ZFP69: variants seen among roughly 807,000 people sequenced by gnomAD.
ZFP69 encodes the protein zinc finger protein 69 homolog.
ZFP69 carries 35 observed loss-of-function variants against 48.9 expected under a neutral mutation model. The ratio of observed to expected loss-of-function variants is 0.72; its 90% CI spans 0.55 to 0.95. The LOEUF is 0.95. ZFP69 is among the 40% of genes least tolerant of loss of function. ZFP69 has a pLI of 0.00. For missense variants in ZFP69, 557 were observed against 638.4 expected (o/e 0.87, Z 1.37); for synonymous variants, 193 against 216.8 (o/e 0.89, Z 0.96).
intron 2 of ZFP69, 97 bp downstream of exon 2, chr1:40,479,585 A>ACCAC: frequency 7.2e-7 from 1 of 1,394,914 alleles, no homozygotes; most frequent in Non-Finnish European, 9.5e-7. Flanking sequence ...GAGGGAGAGA[A>ACCAC]GGTCTCTGGG....
At position 40,481,850 on chromosome 1, in the gene ZFP69, C is replaced by A; in HGVS notation, c.215C>A (p.Ser72Tyr). The A allele has an allele frequency of 6.2e-7, 1 of 1,610,100 alleles. No homozygotes were observed. Among genetic ancestry groups the A allele is most frequent in the Non-Finnish European group, 8.5e-7 (1 of 1,176,952 alleles). ...ACCCCTGGACTCCCGACAGCAGAAT[C>A]CCAGGTGAGTAGGGATTCATCTCAT... ...EVTPGLPTAESQELLTFKDIS... is the reference protein window; with the variant it reads ...EVTPGLPTAEYQELLTFKDIS... Residue 72 changes from serine to tyrosine, a missense_variant, in exon 3 of 6, where the codon TCC (serine) becomes TAC (tyrosine). By Grantham distance (144) the Ser-to-Tyr change is moderately radical. Coordinates refer to ENST00000372706, the MANE Select transcript of ZFP69 (RefSeq NM_001320179.2).
chr1:40,479,621 G>A, intron 2 of ZFP69, 133 bp downstream of exon 2: 1 of 1,277,604 alleles, frequency 7.8e-7, no homozygotes, highest in Non-Finnish European at 1.0e-6. Context: ...TTTTTGGGAA[G>A]GGGACAGCTG....
intron 2 of ZFP69, among the ~76,000 whole-genome samples, chr1:40,480,936 T>C (rs1645437469): frequency 6.6e-6 from 1 of 152,212 alleles, no homozygotes; most frequent in African/African-American, 2.4e-5. Context: ...AAGGGTTTCA[T>C]CGAAGTTTGT....
intron 3 of ZFP69, among the ~76,000 whole-genome samples, chr1:40,487,736 T>C (rs532246859): frequency 6.6e-6 from 1 of 152,214 alleles, no homozygotes; most frequent in African/African-American, 2.4e-5. Context: ...TCCGGTAAAT[T>C]GCATATCACA....
intron 5 of ZFP69, among the ~76,000 whole-genome samples, chr1:40,494,699 A>ATT (rs1335276773): frequency 7.0e-6 from 1 of 142,736 alleles, no homozygotes; most frequent in East Asian, 2.0e-4. Context: ...TAAAATATAC[A>ATT]TTATATATAT....
chr1:40,477,540 G>C lies in ZFP69; in HGVS notation c.-681G>C, dbSNP rs1169121614. On this transcript the variant is annotated 5_prime_UTR_variant, in exon 1 of 6. Transcript: ENST00000372706. This position sits in a 1 kb window ranked among gnomAD's most constrained non-coding sequence, Gnocchi z 4.0. ...GTATCCTCCCCGGGGTCTGCAAGAC[G>C]CCGGCTCAGGGCATCCCTCCCATTC... The C allele has an allele frequency of 6.6e-6, 1 of 152,174 alleles. No homozygotes were observed. Among genetic ancestry groups the C allele is most frequent in the Non-Finnish European group, 1.5e-5 (1 of 68,026 alleles). The allele number at this position is 152,174 out of a possible 1,614,324, so 9.4% of individuals were successfully genotyped here. A position where few individuals can be genotyped will look rare whatever the true frequency, so the allele number is the denominator to read the frequency against.
chr1:40,495,788 G>A lies in ZFP69; in HGVS notation c.1310G>A (p.Arg437Lys), dbSNP rs757834688. The A allele has an allele frequency of 5.0e-6, 8 of 1,614,154 alleles. No homozygotes were observed. In the South Asian group the frequency reaches 8.8e-5, roughly 18 times the overall value. The change falls in exon 6 of 6, where the codon AGA becomes AAA. Residue 437 changes from arginine (R) to lysine (K), a missense_variant. Transcript: ENST00000372706. ...THHQRIHTGERPYKCKECGKA... is the reference protein window; with the variant it reads ...THHQRIHTGEKPYKCKECGKA... ...CACCAGAGAATCCATACTGGGGAGA[G>A]ACCCTACAAATGTAAAGAATGTGGA...
intron 1 of ZFP69, among the ~76,000 whole-genome samples, chr1:40,478,195 T>G (rs1269591014): frequency 6.6e-6 from 1 of 151,450 alleles, no homozygotes; most frequent in African/African-American, 2.4e-5. Context: ...CTTCAAAAAG[T>G]TGGGCCAGCT....
chr1:40,485,906 G>A (rs1339568977), intron 3 of ZFP69, among the ~76,000 whole-genome samples: 1 of 151,872 alleles, frequency 6.6e-6, no homozygotes, highest in African/African-American at 2.4e-5. Context: ...ATTTGTTGTT[G>A]TTGTTGTTGT....
At chr1:40,478,122 T>TCTCACACACACACACA (rs369707870) in intron 1 of ZFP69, among the ~76,000 whole-genome samples, 1 of 147,148 alleles carries the variant, frequency 6.8e-6, no homozygotes. Context: ...CTGCATATAG[T>TCTCACACACACACACA]CACACACACA....
intron 3 of ZFP69, among the ~76,000 whole-genome samples, chr1:40,483,718 A>G (rs1645466100): frequency 1.3e-5 from 2 of 152,190 alleles, no homozygotes; most frequent in Admixed American, 1.3e-4. Flanking sequence ...AAGCTGCAAT[A>G]TATTCCAATC....
chr1:40,485,469 T>C (rs983937215), intron 3 of ZFP69, among the ~76,000 whole-genome samples: 3 of 152,164 alleles, frequency 2.0e-5, no homozygotes, highest in African/African-American at 7.2e-5. Flanking sequence ...CCACAGTATA[T>C]TGTTCTTAAT....
At chr1:40,491,763 A>ATATGTG (rs1553129548) in intron 5 of ZFP69, among the ~76,000 whole-genome samples, 18,271 of 129,262 alleles carry the variant, frequency 0.14, 1,436 homozygotes, top group Non-Finnish European at 0.19. Flanking sequence ...GTGTGTGTGT[A>ATATGTG]TGTGTGTGTG....
At chr1:40,481,729 A>C in intron 2 of ZFP69, 34 bp from the exon 3 acceptor site, 1 of 1,527,982 alleles carries the variant, frequency 6.5e-7, no homozygotes, top group Non-Finnish European at 8.9e-7. Flanking sequence ...AGATTTGGGG[A>C]GATGCAAAGC....
At chr1:40,489,672 C>T in intron 5 of ZFP69, 48 bp downstream of exon 5, 2 of 1,325,022 alleles carry the variant, frequency 1.5e-6, no homozygotes, top group South Asian at 1.3e-5. Flanking sequence ...TAAAGGAATA[C>T]CTGAAACTTC....
chr1:40,495,005 A>C lies in ZFP69; in HGVS notation c.527A>C (p.Glu176Ala), dbSNP rs1316408332. Residue 176 changes from glutamate to alanine, a missense_variant, in exon 6 of 6, where the codon GAA (glutamate) becomes GCA (alanine). By Grantham distance (107) the Glu-to-Ala change is moderately radical. Coordinates refer to ENST00000372706, the MANE Select transcript of ZFP69 (RefSeq NM_001320179.2). ...CGCTTATATCATGGCATTATGATGG[A>C]AAGTTTCATGAGGGATGATATAATT... ...QERLYHGIMM[E>A]SFMRDDIIYS... is the part of the protein sequence containing the mutation. 6.2e-7 allele frequency: 1 copy of C among 1,614,022 alleles called. No individual in the cohort carries two copies. Among genetic ancestry groups the C allele is most frequent in the Admixed American group, 1.7e-5 (1 of 59,996 alleles).
At chr1:40,484,387 T>C (rs1025367977) in intron 3 of ZFP69, among the ~76,000 whole-genome samples, 6 of 151,384 alleles carry the variant, frequency 4.0e-5, no homozygotes, top group African/African-American at 1.2e-4. Flanking sequence ...TTAGTAGAGA[T>C]GGGGTTTCAC....
At chr1:40,479,899 G>T (rs532159975) in intron 2 of ZFP69, among the ~76,000 whole-genome samples, 4 of 152,256 alleles carry the variant, frequency 2.6e-5, no homozygotes, top group African/African-American at 9.6e-5. Context: ...CTTTTCATCT[G>T]CTGAGAGGCA....
intron 2 of ZFP69, among the ~76,000 whole-genome samples, chr1:40,481,361 G>A (rs1200820125): frequency 4.6e-5 from 7 of 152,124 alleles, no homozygotes; most frequent in Admixed American, 4.6e-4. Context: ...ATTGTAGAGT[G>A]CCTTGAAGTC....
Sources: gnomAD v4.1 joint callset for allele counts (sites outside exome capture counted in the v4.1 genomes callset) on GRCh38, gnomAD v4.1.1 for gene constraint, Gnocchi (gnomAD v3.1) non-coding constraint, MANE v1.5 for transcripts, NCBI Gene and HGNC (gene_info 2026-07-23, HGNC 2026-07-21) for gene names.